The following PLD5 variants were observed in gnomAD, a reference collection of about 807,000 sequenced individuals.
PLD5 encodes the protein inactive phospholipase D5.
A neutral mutation model predicts 61.1 loss-of-function variants in PLD5; 36 were observed. That is an observed-to-expected ratio of 0.59 (90% CI 0.45 to 0.78). The LOEUF (loss-of-function observed/expected upper bound fraction) is 0.78, where lower values mean the gene tolerates loss of function less well. Among genes scored for constraint, PLD5 ranks in the 30% least tolerant of loss-of-function variants. The probability of loss-of-function intolerance (pLI) is 0.00; values close to 1 mark genes in which losing one functional copy is unlikely to be tolerated. For synonymous variants in PLD5, 243 were observed against 242.8 expected, an observed-to-expected ratio of 1.00 and a Z score of -0.01; for missense variants, 515 against 644.4, an observed-to-expected ratio of 0.80 and a Z score of 2.17.
chr1:242,280,626 C>A (rs1458049416), intron 3 of PLD5, among the ~76,000 whole-genome samples: 1 of 152,174 alleles, frequency 6.6e-6, no homozygotes, highest in Admixed American at 6.5e-5. Context: ...CTGCCACTTA[C>A]AATAGGCTCA....
intron 5 of PLD5, among the ~76,000 whole-genome samples, chr1:242,201,899 C>G (rs1331772198): frequency 2.0e-5 from 3 of 152,136 alleles, no homozygotes; most frequent in Non-Finnish European, 4.4e-5. Flanking sequence ...GCTCACTGGT[C>G]TATCACTATG....
chr1:242,516,279 TAC>T (rs1669103213), intron 1 of PLD5, among the ~76,000 whole-genome samples: 1 of 64,562 alleles, frequency 1.5e-5, no homozygotes, highest in Non-Finnish European at 3.7e-5. Flanking sequence ...TATATATATA[TAC>T]ATATTCTTCT....
intron 2 of PLD5, among the ~76,000 whole-genome samples, chr1:242,335,457 C>T (rs980917452): frequency 1.3e-5 from 2 of 152,118 alleles, no homozygotes; most frequent in African/African-American, 4.8e-5. Flanking sequence ...GTAGTAAGAA[C>T]GGACTACCAA....
In PLD5 at chr1:242,084,953, T is replaced by A. The variant is rs749344379; in HGVS notation, c.*4901A>T. 19 of 151,960 alleles carry A rather than the reference T, an allele frequency of 1.3e-4. No individual in the cohort carries two copies. The highest frequency in any genetic ancestry group is 1.9e-4 in the Non-Finnish European group (13 of 68,018). The allele number at this position is 151,960 out of a possible 1,614,324, so 9.4% of individuals were successfully genotyped here. A position where few individuals can be genotyped will look rare whatever the true frequency, so the allele number is the denominator to read the frequency against. On this transcript the variant is annotated 3_prime_UTR_variant, in exon 10 of 10. Transcript: ENST00000536534. ...CAGCTTGAGGAGAAAAAGAAATGCCTCATCTCACAGTATGAAAAAGCCATC... is the reference window on the plus strand; with the variant it reads ...CAGCTTGAGGAGAAAAAGAAATGCCACATCTCACAGTATGAAAAAGCCATC...
intron 4 of PLD5, among the ~76,000 whole-genome samples, chr1:242,245,558 T>A (rs910636391): frequency 3.3e-5 from 5 of 152,222 alleles, no homozygotes; most frequent in Non-Finnish European, 7.3e-5. Flanking sequence ...CTCAAGCCTG[T>A]CAGAGTGAGT....
At chr1:242,292,032 G>A (rs550828826) in intron 2 of PLD5, among the ~76,000 whole-genome samples, 1 of 152,170 alleles carries the variant, frequency 6.6e-6, no homozygotes, top group South Asian at 2.1e-4. Flanking sequence ...GCAGCGTTCA[G>A]GAAGCCAAGG....
chr1:242,285,633 T>C lies in PLD5; in HGVS notation c.495+2729A>G, dbSNP rs201058535. Among the ~76,000 whole-genome samples the C allele has an allele frequency of 2.8e-3, 419 of 151,690 alleles. 10 individuals carry two copies. In the East Asian group the frequency reaches 0.029, roughly 11 times the overall value. On this transcript the variant is annotated intron_variant, in intron 3 of 9. Transcript: ENST00000536534. ...AGCCTTGAGAAAGGGCCATCTGTAT[T>C]ATGCAATGGCAGAGTGCTTGCAATA... is the stretch of plus-strand genomic sequence containing the variant.
chr1:242,286,302 G>A (rs1675019917), intron 3 of PLD5, among the ~76,000 whole-genome samples: 1 of 151,988 alleles, frequency 6.6e-6, no homozygotes, highest in Non-Finnish European at 1.5e-5. Flanking sequence ...TGAGGGATGT[G>A]CCATCTCAAA....
chr1:242,183,782 T>C (rs1574470494), intron 5 of PLD5, among the ~76,000 whole-genome samples: 1 of 118,330 alleles, frequency 8.5e-6, no homozygotes, highest in Non-Finnish European at 1.7e-5. Context: ...TAGTCCCAGC[T>C]ACTGGGGAGG....
In PLD5 at chr1:242,113,932, G is replaced by T. The variant is rs1220741157; in HGVS notation, c.1028C>A (p.Ala343Asp). 1.2e-6 allele frequency: 2 copies of T among 1,613,824 alleles called. No individual in the cohort carries two copies. The highest frequency in any genetic ancestry group is 1.7e-6 in the Non-Finnish European group (2 of 1,179,918). Residue 343 changes from alanine (A) to aspartate (D), a missense_variant, in exon 7 of 10, where the codon GCT becomes GAT. Physicochemically the swap from Ala to Asp is moderately radical, Grantham distance 126. Around this residue, in one of 2 missense-constraint regions of PLD5, gnomAD observed 450 missense variants for 598.1 expected, o/e 0.75. Transcript: ENST00000536534. Reference sequence around the variant, plus strand: ...GGAGATAGGCAGGTAGTCCATGACAGCGATGTACACATACTGCTTGGCATC... The same window carrying T: ...GGAGATAGGCAGGTAGTCCATGACATCGATGTACACATACTGCTTGGCATC... ...IDDAKQYVYI[A>D]VMDYLPISST...
intron 1 of PLD5, among the ~76,000 whole-genome samples, chr1:242,422,393 A>T (rs569672347): frequency 1.3e-5 from 2 of 152,230 alleles, no homozygotes; most frequent in African/African-American, 4.8e-5. Context: ...CTTTACACAG[A>T]TAATTTGAAA....
chr1:242,370,131 G>A (rs374866539), intron 1 of PLD5, among the ~76,000 whole-genome samples: 16 of 152,290 alleles, frequency 1.1e-4, no homozygotes, highest in African/African-American at 3.4e-4. Flanking sequence ...TGGCACAGAA[G>A]AGGCACTCTC....
chr1:242,089,493 G>C lies in PLD5; in HGVS notation c.*361C>G. 2.2e-6 allele frequency: 1 copy of C among 454,034 alleles called. No homozygotes were observed. 28.1% of individuals were successfully genotyped at this position (454,034 alleles called of 1,614,324 possible). On this transcript the variant is annotated 3_prime_UTR_variant, in exon 10 of 10. Transcript: ENST00000536534. ...TCTCTAAATCAACAGTTCTCAGAAT[G>C]GTGTTAAAGAGCCCACCTCATGCTA...
intron 1 of PLD5, among the ~76,000 whole-genome samples, chr1:242,457,886 G>A (rs1033473596): frequency 2.6e-5 from 4 of 152,252 alleles, no homozygotes; most frequent in Non-Finnish European, 5.9e-5. Context: ...AGGGATGGAC[G>A]CTCCTATCGA....
chr1:242,384,483 C>T (rs952523396), intron 1 of PLD5, among the ~76,000 whole-genome samples: 2 of 152,220 alleles, frequency 1.3e-5, no homozygotes, highest in South Asian at 4.1e-4. Flanking sequence ...TCATCCAACA[C>T]CAGAACATTA....
At position 242,207,991 on chromosome 1, in the gene PLD5, TACACACAC is replaced by T. The variant is rs34110062; in HGVS notation, c.735+11989_735+11996del. Among the ~76,000 whole-genome samples, 287 of 40,256 alleles carry T rather than the reference TACACACAC, an allele frequency of 7.1e-3. 27 individuals are homozygous for T. Among genetic ancestry groups the T allele is most frequent in the African/African-American group, 0.029 (199 of 6,834 alleles). 26.4% of individuals were successfully genotyped at this position (40,256 alleles called of 152,430 possible). A position where few individuals can be genotyped will look rare whatever the true frequency, so the allele number is the denominator to read the frequency against. On this transcript the variant is annotated intron_variant, in intron 5 of 9. Transcript: ENST00000536534. Reference sequence around the variant, plus strand: ...ATATATATTTTTATATATATATTTATACACACACACACACACACACACACACACACACA... The same window carrying T: ...ATATATATTTTTATATATATATTTATACACACACACACACACACACACACA...
At chr1:242,184,646 A>G (rs973355992) in intron 5 of PLD5, among the ~76,000 whole-genome samples, 1 of 152,168 alleles carries the variant, frequency 6.6e-6, no homozygotes, top group Non-Finnish European at 1.5e-5. Context: ...TGGGATTACA[A>G]TGTGAGCTAC....
intron 4 of PLD5, among the ~76,000 whole-genome samples, chr1:242,257,812 C>CA: frequency 6.6e-6 from 1 of 152,200 alleles, no homozygotes; most frequent in African/African-American, 2.4e-5. Flanking sequence ...CACCTAGTGA[C>CA]AGAGTTTAGC....
At chr1:242,170,594 A>G (rs1165921572) in intron 5 of PLD5, among the ~76,000 whole-genome samples, 1 of 152,172 alleles carries the variant, frequency 6.6e-6, no homozygotes, top group Non-Finnish European at 1.5e-5. Context: ...AAGGTGGGTA[A>G]TAACAAACTC....
Sources: gnomAD v4.1 joint callset for allele counts (sites outside exome capture counted in the v4.1 genomes callset) on GRCh38, gnomAD v4.1.1 for gene constraint, gnomAD v4.1.1 regional missense constraint, MANE v1.5 for transcripts, NCBI Gene and HGNC (gene_info 2026-07-23, HGNC 2026-07-21) for gene names.